The following GALE variants were observed in gnomAD, a reference collection of about 807,000 sequenced individuals.
The protein encoded by GALE is UDP-galactose-4-epimerase.
A neutral mutation model predicts 44.1 loss-of-function variants in GALE; 32 were observed. The observed-to-expected ratio is 0.73, with a 90% CI of 0.55 to 0.97. The LOEUF (loss-of-function observed/expected upper bound fraction) is 0.97. Among genes scored for constraint, GALE ranks in the 50% least tolerant of loss-of-function variants. GALE has a pLI of 0.00. For synonymous variants in GALE, 182 were observed against 183.5 expected, an observed-to-expected ratio of 0.99 and a Z score of 0.06; for missense variants, 423 against 455.6, an observed-to-expected ratio of 0.93 and a Z score of 0.65.
chr1:23,799,817 C>T (rs1409719203), intron 1 of GALE: 8 of 152,814 alleles, frequency 5.2e-5, no homozygotes, highest in Admixed American at 6.5e-5. Flanking sequence ...ACTTAGGCTA[C>T]TCTGGGTGGG....
chr1:23,796,202 G>C lies in GALE; in HGVS notation c.937C>G (p.Leu313Val). 2.5e-6 allele frequency: 4 copies of C among 1,614,134 alleles called. No homozygotes were observed. The highest frequency in any genetic ancestry group is 3.4e-6 in the Non-Finnish European group (4 of 1,180,000). The stretch of plus-strand genomic sequence containing the variant: ...GTCCACCCCAGCTCCTCTTGGGCCA[G>C]GCTGGGGTTGGCGTAACAGGCTGCC... ...DVAACYANPS[L>V]AQEELGWTAA... Residue 313 changes from leucine to valine, a missense_variant, in exon 11 of 12, where the codon CTG becomes GTG. Transcript: ENST00000617979. This position sits in a 1 kb window ranked among gnomAD's most constrained non-coding sequence, Gnocchi z 5.2.
chr1:23,799,386 AAT>A lies in GALE; in HGVS notation c.-28_-27del. The A allele has an allele frequency of 8.6e-6, 3 of 348,834 alleles. No homozygotes were observed. Among genetic ancestry groups the A allele is most frequent in the South Asian group, 2.3e-5 (1 of 43,286 alleles). 21.6% of individuals were successfully genotyped at this position (348,834 alleles called of 1,614,324 possible). On this transcript the variant is annotated 5_prime_UTR_variant, in exon 2 of 12. Transcript: ENST00000617979. ...CTTGCCTTGGAGTTGGAAAAGATGGAATCTGAGGATCCACACTTCTTTGTCCA... is the reference window on the plus strand; with the variant it reads ...CTTGCCTTGGAGTTGGAAAAGATGGACTGAGGATCCACACTTCTTTGTCCA...
chr1:23,799,937 G>C (rs1639076994), intron 1 of GALE: 3 of 152,544 alleles, frequency 2.0e-5, no homozygotes, highest in African/African-American at 7.2e-5. Flanking sequence ...CAGCGACCGG[G>C]CCCGCTGCCG....
rs529868876 is a variant in GALE at position 23,799,052 on chromosome 1, C to T, written c.-5-40G>A. 5.6e-6 allele frequency: 9 copies of T among 1,613,692 alleles called. No individual in the cohort carries two copies. The African/African-American group carries it at 8.0e-5, about 14-fold the overall frequency. ...AGAGTCTCAGAGGTGGCTGAGGCTG[C>T]CTGCTCAGAGCTTCCTTCCCACTGG... is the stretch of plus-strand genomic sequence containing the variant. On this transcript the variant is annotated intron_variant, in intron 2 of 11. Transcript: ENST00000617979.
At chr1:23,797,453 C>T (rs1449666146) in intron 6 of GALE, among the ~76,000 whole-genome samples, 1 of 152,130 alleles carries the variant, frequency 6.6e-6, no homozygotes, top group African/African-American at 2.4e-5. Context: ...CTCCTGACCT[C>T]AGGTGATCTG....
chr1:23,797,805 G>A lies in GALE; in HGVS notation c.418C>T (p.Gln140Ter), dbSNP rs1176531985. 1.2e-6 allele frequency: 2 copies of A among 1,614,142 alleles called. No individual in the cohort carries two copies. The highest frequency in any genetic ancestry group is 1.7e-6 in the Non-Finnish European group (2 of 1,179,972). Residue 140 changes from glutamine to a stop codon, truncating the protein, a stop_gained, in exon 6 of 12, where the codon CAG becomes TAG. Transcript: ENST00000617979. LOFTEE classifies it high-confidence loss of function. ...SSSATVYGNP[Q>*]YLPLDEAHPT... is the part of the protein sequence containing the mutation. ...TGGGCCTCATCAAGGGGCAGGTACTGGGGGTTCCCGTACACAGTGGCTGAG... is the reference window on the plus strand; with the variant it reads ...TGGGCCTCATCAAGGGGCAGGTACTAGGGGTTCCCGTACACAGTGGCTGAG...
chr1:23,799,044 T>C, intron 2 of GALE, 32 bp from the exon 3 acceptor site: 1 of 1,613,926 alleles, frequency 6.2e-7, no homozygotes, highest in African/African-American at 1.3e-5. Flanking sequence ...CAGAGGTGGC[T>C]GAGGCTGCCT....
Position 23,798,234 on chromosome 1 carries a change from C to T in GALE, c.238-4G>A. 1 of 1,609,574 alleles carries T rather than the reference C, an allele frequency of 6.2e-7. No individual in the cohort carries two copies. The highest frequency in any genetic ancestry group is 8.5e-7 in the Non-Finnish European group (1 of 1,175,946). On this transcript the variant is annotated splice_region_variant and splice_polypyrimidine_tract_variant and intron_variant, in intron 4 of 11. Coordinates refer to ENST00000617979, the MANE Select transcript of GALE (RefSeq NM_001008216.2). The surrounding 1 kb of genome is among the most constrained non-coding windows in gnomAD (Gnocchi z 4.5). ...GGATGACCGCCATAAAGCTGTACTG[C>T]AGGGGTGACATGGCCAGAGGTTGCT...
At position 23,797,100 on chromosome 1, in the gene GALE, A is replaced by G. The variant is rs766017459; in HGVS notation, c.576T>C (p.His192=). Residue 192 remains histidine, a synonymous_variant, in exon 7 of 12, where the codon CAT becomes CAC. Transcript: ENST00000617979. ...LLRYFNPTGA[H]ASGCIGEDPQ... Reference sequence around the variant, plus strand: ...GATCCTCACCAATGCAGCCAGAGGCATGGGCACCTGTGGGGTTGAAATAGC... The same window carrying G: ...GATCCTCACCAATGCAGCCAGAGGCGTGGGCACCTGTGGGGTTGAAATAGC... 6.2e-7 allele frequency: 1 copy of G among 1,613,492 alleles called. No homozygotes were observed. Among genetic ancestry groups the G allele is most frequent in the Non-Finnish European group, 8.5e-7 (1 of 1,179,796 alleles).
chr1:23,797,767 A>G lies in GALE; in HGVS notation c.456T>C (p.Gly152=), dbSNP rs1432697871. 2 of 1,613,496 alleles carry G rather than the reference A, an allele frequency of 1.2e-6. No individual in the cohort carries two copies. The highest frequency in any genetic ancestry group is 3.3e-5 in the Admixed American group (2 of 59,972). Residue 152 remains glycine, a synonymous_variant, in exon 6 of 12, where the codon GGT becomes GGC. Transcript: ENST00000617979. ...LPLDEAHPTG[G]CTNPYGKSKF... is the part of the protein sequence containing the mutation. ...TGGACTTGCCGTAAGGGTTGGTACA[A>G]CCACCCGTGGGGTGGGCCTCATCAA...
intron 1 of GALE, 107 bp from the exon 2 acceptor site, chr1:23,799,543 A>C (rs994894647): frequency 6.0e-5 from 12 of 198,998 alleles, no homozygotes; most frequent in Non-Finnish European, 1.1e-4. Context: ...CGCTAGGTGT[A>C]AACTGGCTCC....
At position 23,798,388 on chromosome 1, in the gene GALE, T is replaced by C; in HGVS notation, c.238-158A>G. 1 of 711,450 alleles carries C rather than the reference T, an allele frequency of 1.4e-6. No individual in the cohort carries two copies. 44.1% of individuals were successfully genotyped at this position (711,450 alleles called of 1,614,324 possible). A position where few individuals can be genotyped will look rare whatever the true frequency, so the allele number is the denominator to read the frequency against. On this transcript the variant is annotated intron_variant, in intron 4 of 11. Coordinates refer to ENST00000617979, the MANE Select transcript of GALE (RefSeq NM_001008216.2). The surrounding 1 kb of genome is among the most constrained non-coding windows in gnomAD (Gnocchi z 4.5). ...GGTGCCATCTCAGCTCACCGCAACC[T>C]CCACCTCCCAGGCTCAAGCCATCCT...
intron 5 of GALE, 34 bp from the exon 6 acceptor site, chr1:23,797,905 C>G (rs1165059485): frequency 9.9e-6 from 16 of 1,608,464 alleles, no homozygotes; most frequent in African/African-American, 1.3e-5. Context: ...GTGACCTCTG[C>G]CTCACACATT....
chr1:23,798,223 A>T lies in GALE; in HGVS notation c.245T>A (p.Phe82Tyr), dbSNP rs1404592206. ...CCCCGCAAAGTGGATGACCGCCATA[A>T]AGCTGTACTGCAGGGGTGACATGGC... ...ALQRLFKKYS[F>Y]MAVIHFAGLK... Residue 82 changes from phenylalanine to tyrosine, a missense_variant, in exon 5 of 12, where the codon TTT becomes TAT. Transcript: ENST00000617979. The surrounding 1 kb of genome is among the most constrained non-coding windows in gnomAD (Gnocchi z 4.5). The T allele has an allele frequency of 6.2e-7, 1 of 1,613,184 alleles. No individual in the cohort carries two copies. Among genetic ancestry groups the T allele is most frequent in the Non-Finnish European group, 8.5e-7 (1 of 1,179,246 alleles).
In GALE at chr1:23,796,469, G is replaced by T. The variant is rs1557478119; in HGVS notation, c.873+40C>A. The T allele has an allele frequency of 1.3e-6, 2 of 1,596,800 alleles. No individual in the cohort carries two copies. ...GCTGCTCTGTTGCTGAGAGCTGGGT[G>T]GGGTGAGGTGGGTGAGGTGGGTGGG... On this transcript the variant is annotated intron_variant, in intron 10 of 11. Coordinates refer to ENST00000617979, the MANE Select transcript of GALE (RefSeq NM_001008216.2). This position sits in a 1 kb window ranked among gnomAD's most constrained non-coding sequence, Gnocchi z 5.2.
rs1638949314 is a variant in GALE, at chr1:23,796,363, C to T, written c.874-98G>A. On this transcript the variant is annotated intron_variant, in intron 10 of 11. Coordinates refer to ENST00000617979, the MANE Select transcript of GALE (RefSeq NM_001008216.2). This position sits in a 1 kb window ranked among gnomAD's most constrained non-coding sequence, Gnocchi z 5.2. ...CAGAAGTGCAGAGCAGCGGCTGGCCCGCAGGCACCGGGTGCTAGGCAGGCT... is the reference window on the plus strand; with the variant it reads ...CAGAAGTGCAGAGCAGCGGCTGGCCTGCAGGCACCGGGTGCTAGGCAGGCT... 9.7e-6 allele frequency: 14 copies of T among 1,444,776 alleles called. No individual in the cohort carries two copies. The highest frequency in any genetic ancestry group is 2.3e-5 in the East Asian group (1 of 43,544). 89.5% of individuals were successfully genotyped at this position (1,444,776 alleles called of 1,614,324 possible).
At position 23,795,902 on chromosome 1, in the gene GALE, AGAGCAGGCAG is replaced by A; in HGVS notation, c.*37_*46del. ...GCCCTGAGTTCCTGCCAGAGGCTGG[AGAGCAGGCAG>A]CTGCTGCTTTTCCTGGTCCTTGGTA... On this transcript the variant is annotated 3_prime_UTR_variant, in exon 12 of 12. Coordinates refer to ENST00000617979, the MANE Select transcript of GALE (RefSeq NM_001008216.2). The A allele has an allele frequency of 6.3e-7, 1 of 1,576,260 alleles. No individual in the cohort carries two copies. Among genetic ancestry groups the A allele is most frequent in the South Asian group, 1.1e-5 (1 of 89,844 alleles).
At position 23,795,624 on chromosome 1, in the gene GALE, T is replaced by A. The variant is rs2148408399; in HGVS notation, c.*325A>T. 2.1e-6 allele frequency: 1 copy of A among 469,974 alleles called. No homozygotes were observed. The highest frequency in any genetic ancestry group is 3.8e-6 in the Non-Finnish European group (1 of 261,066). The allele number at this position is 469,974 out of a possible 1,614,324, so 29.1% of individuals were successfully genotyped here. On this transcript the variant is annotated 3_prime_UTR_variant, in exon 12 of 12. Transcript: ENST00000617979. The stretch of plus-strand genomic sequence containing the variant: ...CCCAGTGTAAGAAAACTTGTTTTTA[T>A]TTTTAAATACTTTGGAAAGCTCTTT...
chr1:23,796,736 A>T lies in GALE; in HGVS notation c.756T>A (p.Ile252=). The part of the protein sequence containing the change: ...IHVVDLAKGH[I]AALRKLKEQC... ...GTTCTTTCAGCTTCCTTAAGGCTGC[A>T]ATGTGGCCCTTGGCCAGATCCACGA... Residue 252 remains isoleucine, a synonymous_variant, in exon 9 of 12, where the codon ATT becomes ATA. Coordinates refer to ENST00000617979, the MANE Select transcript of GALE (RefSeq NM_001008216.2). This position sits in a 1 kb window ranked among gnomAD's most constrained non-coding sequence, Gnocchi z 5.2. The T allele has an allele frequency of 6.2e-7, 1 of 1,612,966 alleles. No homozygotes were observed. Among genetic ancestry groups the T allele is most frequent in the Non-Finnish European group, 8.5e-7 (1 of 1,179,512 alleles).
Sources: gnomAD v4.1 joint callset for allele counts (sites outside exome capture counted in the v4.1 genomes callset) on GRCh38, gnomAD v4.1.1 for gene constraint, Gnocchi (gnomAD v3.1) non-coding constraint, MANE v1.5 for transcripts, NCBI Gene and HGNC (gene_info 2026-07-23, HGNC 2026-07-21) for gene names.